Variants in USP11 observed in about 807,000 individuals in gnomAD.
USP11 encodes ubiquitin specific peptidase 11.
USP11 carries 5 observed loss-of-function variants against 72.8 expected under a neutral mutation model. The observed-to-expected ratio is 0.07, with a 90% confidence interval of 0.04 to 0.14. The LOEUF (loss-of-function observed/expected upper bound fraction) is 0.14, where lower values mean the gene tolerates loss of function less well. Ranked by LOEUF, USP11 falls within the 10% of genes least tolerant of loss-of-function variation. The probability of loss-of-function intolerance (pLI) is 1.00; values close to 1 mark genes in which losing one functional copy is unlikely to be tolerated. For synonymous variants in USP11, 368 were observed against 326.5 expected (o/e 1.13, Z -1.37); for missense variants, 480 against 794.7 (o/e 0.60, Z 4.76).
intron 17 of USP11, 54 bp downstream of exon 17, chrX:47,245,536 A>G (rs1398104705): frequency 1.0e-5 from 7 of 701,978 alleles, no homozygotes; most frequent in Non-Finnish European, 1.5e-5. Context: ...TGGAACTACT[A>G]TATTTAGCTT....
chrX:47,233,073 TGCTGCGGCGGCTGTGGCGGCG>T lies in USP11; in HGVS notation c.33_53del (p.Ala14_Ala20del). On this transcript the variant is annotated inframe_deletion, in exon 1 of 21. Coordinates refer to ENST00000377107, the MANE Select transcript of USP11 (RefSeq NM_001371072.1). ...CGACGGTCGCAGCAAATCCAGCTGC[TGCTGCGGCGGCTGTGGCGGCG>T]GCAGCGGCGGTGACTGAGGATAGAG... The T allele has an allele frequency of 8.3e-7, 1 of 1,208,193 alleles. No individual in the cohort carries two copies. The highest frequency in any genetic ancestry group is 1.1e-6 in the Non-Finnish European group (1 of 893,597).
intron 5 of USP11, 23 bp downstream of exon 5, chrX:47,240,473 T>C: frequency 8.3e-7 from 1 of 1,211,127 alleles, no homozygotes; most frequent in African/African-American, 1.7e-5. Flanking sequence ...AGGGCTTTTC[T>C]GTTCAGGTGG....
chrX:47,247,257 A>C, intron 18 of USP11, 36 bp downstream of exon 18: 1 of 1,211,185 alleles, frequency 8.3e-7, no homozygotes, highest in Non-Finnish European at 1.1e-6. Flanking sequence ...GGGGGAAGGC[A>C]GGGAAAGGAG....
chrX:47,242,801 T>C, intron 12 of USP11, 81 bp downstream of exon 12: 4 of 770,073 alleles, frequency 5.2e-6, no homozygotes, highest in Non-Finnish European at 8.0e-6. Flanking sequence ...TTAACCACCT[T>C]CTCTCTTCCC....
chrX:47,240,241 C>T (rs1429351785), intron 4 of USP11, 64 bp from the exon 5 acceptor site: 4 of 1,174,681 alleles, frequency 3.4e-6, no homozygotes, highest in Middle Eastern at 4.6e-4. Flanking sequence ...GTCAGGTATG[C>T]CCAGATGGAT....
At chrX:47,242,366 C>T (rs1356280545) in intron 10 of USP11, 60 bp downstream of exon 10, 11 of 1,203,247 alleles carry the variant, frequency 9.1e-6, no homozygotes, top group Admixed American at 2.2e-5. Flanking sequence ...GATTAGCTGC[C>T]ATAGCTCAAG....
At chrX:47,240,972 G>T in intron 7 of USP11, 96 bp downstream of exon 7, 1 of 894,126 alleles carries the variant, frequency 1.1e-6, no homozygotes, top group Non-Finnish European at 1.6e-6. Context: ...GGACTACAGG[G>T]CAAGGGGTCA....
rs2055407159 is a variant in USP11, at chrX:47,242,222, C to T, written c.1320C>T (p.Tyr440=). 8.3e-7 allele frequency: 1 copy of T among 1,210,619 alleles called. No individual in the cohort carries two copies. The highest frequency in any genetic ancestry group is 2.2e-5 in the Admixed American group (1 of 45,895). ...CTGTGACCTTCGACCCCTTCTGCTA[C>T]CTCAGTGTTCCACTGCCTATCAGCC... The part of the protein sequence containing the change: ...NVSVTFDPFC[Y]LSVPLPISHK... The change falls in exon 10 of 21, where the codon TAC becomes TAT. Residue 440 remains tyrosine (Y), a synonymous_variant. Coordinates refer to ENST00000377107, the MANE Select transcript of USP11 (RefSeq NM_001371072.1).
In USP11 at chrX:47,242,462, A is replaced by G. The variant is rs367948208; in HGVS notation, c.1428A>G (p.Lys476=). The G allele has an allele frequency of 1.6e-5, 19 of 1,210,408 alleles. No homozygotes were observed. Among genetic ancestry groups the G allele is most frequent in the Non-Finnish European group, 1.9e-5 (17 of 895,304 alleles). The change falls in exon 11 of 21, where the codon AAA becomes AAG. Residue 476 remains lysine, a synonymous_variant. Transcript: ENST00000377107. ...PEQHRLVVPK[K]GKISDLCVAL... ...AGCACCGGCTCGTGGTCCCCAAGAA[A>G]GGCAAGATCTCGGATCTATGTGTGG... is the stretch of plus-strand genomic sequence containing the variant.
chrX:47,239,032 T>C, intron 1 of USP11, 38 bp from the exon 2 acceptor site: 1 of 1,078,970 alleles, frequency 9.3e-7, no homozygotes. Flanking sequence ...AACCCTCAGC[T>C]ACCCATGTAA....
At chrX:47,234,441 G>T (rs778648615) in intron 1 of USP11, among the ~76,000 whole-genome samples, 1 of 112,109 alleles carries the variant, frequency 8.9e-6, no homozygotes, top group East Asian at 2.8e-4. Context: ...ATTAAAGTGG[G>T]TAGATACTAG....
At chrX:47,236,180 C>CA (rs749583066) in intron 1 of USP11, among the ~76,000 whole-genome samples, 1 of 112,078 alleles carries the variant, frequency 8.9e-6, no homozygotes, top group Non-Finnish European at 1.9e-5. Context: ...AAAAAATTAC[C>CA]ACACCAGTGT....
At chrX:47,238,702 G>A (rs2055387568) in intron 1 of USP11, among the ~76,000 whole-genome samples, 1 of 110,416 alleles carries the variant, frequency 9.1e-6, no homozygotes, top group Admixed American at 9.6e-5. Flanking sequence ...AGCTGCAGAT[G>A]GCACATATCT....
rs1444747531 is a variant in USP11, at chrX:47,233,487, T to G, written c.176+268T>G. 1.8e-5 allele frequency: 18 copies of G among 995,005 alleles called. No homozygotes were observed. The East Asian group carries it at 4.1e-4, about 22-fold the overall frequency. The allele number at this position is 995,005 out of a possible 1,213,427, so 82.0% of individuals were successfully genotyped here. A position where few individuals can be genotyped will look rare whatever the true frequency, so the allele number is the denominator to read the frequency against. On this transcript the variant is annotated intron_variant, in intron 1 of 20. Transcript: ENST00000377107. ...ATGAGACCAGTTTCGGTCCTGGAGG[T>G]GGGGCCGGGCCTGCGTAGTGAAACT...
chrX:47,234,872 A>G (rs1320359315), intron 1 of USP11, among the ~76,000 whole-genome samples: 1 of 112,111 alleles, frequency 8.9e-6, no homozygotes, highest in Non-Finnish European at 1.9e-5. Flanking sequence ...ATTTTTGTCC[A>G]TTTTAAAATA....
At chrX:47,245,790 C>T (rs1467811145) in intron 17 of USP11, among the ~76,000 whole-genome samples, 2 of 111,368 alleles carry the variant, frequency 1.8e-5, no homozygotes, top group African/African-American at 6.5e-5. Context: ...ATGATCCACC[C>T]GCCTTGGCCT....
intron 1 of USP11, among the ~76,000 whole-genome samples, chrX:47,237,322 T>G (rs978585916): frequency 1.8e-5 from 2 of 110,468 alleles, no homozygotes; most frequent in African/African-American, 6.6e-5. Flanking sequence ...CTGGTGTGAG[T>G]GATATGGGGC....
Position 47,247,824 on chromosome X carries a change from G to A in USP11, c.2657G>A (p.Arg886His). The A allele has an allele frequency of 3.3e-6, 4 of 1,206,704 alleles. No individual in the cohort carries two copies. Among genetic ancestry groups the A allele is most frequent in the East Asian group, 3.0e-5 (1 of 33,682 alleles). The change falls in exon 21 of 21, where the codon CGC (arginine) becomes CAC (histidine). Residue 886 changes from arginine (R) to histidine (H), a missense_variant. Physicochemically the swap from Arg to His is conservative, Grantham distance 29 (BLOSUM62 0). Transcript: ENST00000377107. ...GCAGCCTATGTCCTCTTCTACCAAC[G>A]CCAGGACGTGGCGCGACGCCTGCTG... is the stretch of plus-strand genomic sequence containing the variant. ...SKAAYVLFYQ[R>H]QDVARRLLSP...
chrX:47,238,213 G>A (rs1271658195), intron 1 of USP11, among the ~76,000 whole-genome samples: 4 of 86,817 alleles, frequency 4.6e-5, no homozygotes, highest in South Asian at 6.1e-4. Flanking sequence ...TTTTTGAGAT[G>A]GAGTCACTCT....
Sources: allele counts gnomAD v4.1 joint callset (sites outside exome capture counted in the v4.1 genomes callset), GRCh38; gene constraint gnomAD v4.1.1; transcripts MANE v1.5; gene names NCBI Gene and HGNC (gene_info 2026-07-23, HGNC 2026-07-21).